The following KATNA1 variants were observed in gnomAD, a reference collection of about 807,000 sequenced individuals.
KATNA1 encodes the protein katanin catalytic subunit A1.
KATNA1 carries 42 observed loss-of-function variants against 62.6 expected under a neutral mutation model. The observed-to-expected ratio is 0.67, with a 90% CI of 0.52 to 0.87. The LOEUF (loss-of-function observed/expected upper bound fraction) is 0.87, where lower values mean the gene tolerates loss of function less well. Among genes scored for constraint, KATNA1 ranks in the 40% least tolerant of loss-of-function variants. The pLI is 0.00. For synonymous variants in KATNA1, 186 were observed against 201.9 expected, an observed-to-expected ratio of 0.92 and a Z score of 0.67; for missense variants, 498 against 612.5, an observed-to-expected ratio of 0.81 and a Z score of 1.97.
At chr6:149,597,391 G>T in intron 9 of KATNA1, 116 bp downstream of exon 9, 1 of 1,317,600 alleles carries the variant, frequency 7.6e-7, no homozygotes. Flanking sequence ...GTACTGTAAA[G>T]GAAGATACTC....
chr6:149,633,174 C>T (rs1464295058), intron 2 of KATNA1, among the ~76,000 whole-genome samples: 1 of 140,890 alleles, frequency 7.1e-6, no homozygotes, highest in East Asian at 2.1e-4. Flanking sequence ...CGTGATCACT[C>T]TCGGCTCATT....
intron 7 of KATNA1, among the ~76,000 whole-genome samples, chr6:149,598,766 G>A (rs1778423428): frequency 6.6e-6 from 1 of 152,054 alleles, no homozygotes; most frequent in Non-Finnish European, 1.5e-5. Context: ...AACAGCTAAG[G>A]AGCCTGCCAC....
rs762568807 is a variant in KATNA1, at chr6:149,638,428, C to A, written c.120G>T (p.Leu40=). The A allele has an allele frequency of 6.2e-7, 1 of 1,613,938 alleles. No individual in the cohort carries two copies. The highest frequency in any genetic ancestry group is 8.5e-7 in the Non-Finnish European group (1 of 1,179,916). Reference sequence around the variant, plus strand: ...GGAGGTATGTATCTTTGACTGAGTACAGATACTTGTTCATTTGGTCAAGAA... The same window carrying A: ...GGAGGTATGTATCTTTGACTGAGTAAAGATACTTGTTCATTTGGTCAAGAA... ...QGVLDQMNKY[L]YSVKDTYLQQ... The change falls in exon 2 of 11, where the codon CTG becomes CTT. Residue 40 remains leucine, a synonymous_variant. Coordinates refer to ENST00000367411, the MANE Select transcript of KATNA1 (RefSeq NM_007044.4).
At chr6:149,609,546 T>C (rs1778866399) in intron 4 of KATNA1, among the ~76,000 whole-genome samples, 2 of 151,974 alleles carry the variant, frequency 1.3e-5, no homozygotes, top group East Asian at 3.9e-4. Flanking sequence ...GGCTCAGGCC[T>C]GTAATCCCAG....
intron 3 of KATNA1, among the ~76,000 whole-genome samples, chr6:149,629,711 T>A (rs545020113): frequency 5.9e-5 from 9 of 152,200 alleles, no homozygotes; most frequent in Non-Finnish European, 1.3e-4. Context: ...ACTTTATTTA[T>A]AATAATGAAA....
chr6:149,595,093 C>T lies in KATNA1; in HGVS notation c.1419G>A (p.Val473=), dbSNP rs1778246910. Reference sequence around the variant, plus strand: ...CGTATCTTTCAATGTCTGCAGCAGACACTGACTTAGAAACCTTTTTTAAAG... The same window carrying T: ...CGTATCTTTCAATGTCTGCAGCAGATACTGACTTAGAAACCTTTTTTAAAG... ...EMALKKVSKS[V]SAADIERYEK... Residue 473 remains valine, a synonymous_variant, in exon 11 of 11, where the codon GTG becomes GTA. Coordinates refer to ENST00000367411, the MANE Select transcript of KATNA1 (RefSeq NM_007044.4). 6.2e-7 allele frequency: 1 copy of T among 1,614,142 alleles called. No individual in the cohort carries two copies. Among genetic ancestry groups the T allele is most frequent in the Non-Finnish European group, 8.5e-7 (1 of 1,179,998 alleles).
chr6:149,596,311 G>A (rs9399692), intron 10 of KATNA1, among the ~76,000 whole-genome samples: 67,581 of 152,002 alleles, frequency 0.44, 16,437 homozygotes, highest in East Asian at 0.81. Flanking sequence ...GAGGCAGGCG[G>A]ATCACTTGAG....
Position 149,640,956 on chromosome 6 carries a change from C to T in KATNA1, c.-13-2396G>A, listed in dbSNP as rs140906877. ...TGCAATCTCGGCTCACCACAACCTC[C>T]GCCTCTCGGGTTCAAGCGATTCTCC... On this transcript the variant is annotated intron_variant, in intron 1 of 10. Transcript: ENST00000367411. Among the ~76,000 whole-genome samples, 653 of 152,102 alleles carry T rather than the reference C, an allele frequency of 4.3e-3. 4 individuals carry two copies. The highest frequency in any genetic ancestry group is 0.015 in the African/African-American group (623 of 41,462).
chr6:149,630,840 G>C (rs1454456549), intron 3 of KATNA1, among the ~76,000 whole-genome samples: 1 of 151,946 alleles, frequency 6.6e-6, no homozygotes, highest in Admixed American at 6.6e-5. Flanking sequence ...TTTTTAATTA[G>C]AGATTGTTAG....
intron 5 of KATNA1, among the ~76,000 whole-genome samples, chr6:149,604,424 C>G (rs1372534649): frequency 6.6e-6 from 1 of 152,164 alleles, no homozygotes; most frequent in African/African-American, 2.4e-5. Context: ...TATGATCGAG[C>G]CACTGTCCTC....
chr6:149,629,401 C>A (rs903855356), intron 3 of KATNA1, among the ~76,000 whole-genome samples: 5 of 152,076 alleles, frequency 3.3e-5, no homozygotes, highest in African/African-American at 1.2e-4. Context: ...GGAAGAGAGC[C>A]CTCACCTGGA....
At chr6:149,600,194 TAAAAAAAAAA>T (rs67468519) in intron 7 of KATNA1, among the ~76,000 whole-genome samples, 1 of 67,994 alleles carries the variant, frequency 1.5e-5, no homozygotes, top group African/African-American at 6.2e-5. Flanking sequence ...GAGCTTATCT[TAAAAAAAAAA>T]AAAAAAAAAA....
At chr6:149,627,329 G>T (rs1302756259) in intron 3 of KATNA1, among the ~76,000 whole-genome samples, 1 of 151,832 alleles carries the variant, frequency 6.6e-6, no homozygotes, top group Non-Finnish European at 1.5e-5. Context: ...AGGAGTTCAA[G>T]ACCAGGCGGA....
chr6:149,617,570 G>C (rs1006880513), intron 4 of KATNA1, among the ~76,000 whole-genome samples: 1 of 152,184 alleles, frequency 6.6e-6, no homozygotes, highest in Non-Finnish European at 1.5e-5. Flanking sequence ...GGGAGGCCGA[G>C]GCGGGCGGAT....
At chr6:149,611,841 T>C (rs575758014) in intron 4 of KATNA1, among the ~76,000 whole-genome samples, 3 of 151,628 alleles carry the variant, frequency 2.0e-5, no homozygotes, top group African/African-American at 4.8e-5. Flanking sequence ...CTGCTAAAAA[T>C]ACAAAAAATT....
chr6:149,599,455 T>C (rs565551443), intron 7 of KATNA1, among the ~76,000 whole-genome samples: 53 of 152,318 alleles, frequency 3.5e-4, no homozygotes, highest in Admixed American at 1.1e-3. Flanking sequence ...TGGGTTTAGC[T>C]GGCCCAGGAA....
At chr6:149,619,949 T>C (rs770570219) in intron 4 of KATNA1, among the ~76,000 whole-genome samples, 24 of 137,598 alleles carry the variant, frequency 1.7e-4, no homozygotes, top group African/African-American at 2.8e-4. Flanking sequence ...ATAAAGAAAC[T>C]GTGGCATGCA....
chr6:149,597,734 C>T, intron 8 of KATNA1, 93 bp from the exon 9 acceptor site: 1 of 1,203,642 alleles, frequency 8.3e-7, no homozygotes, highest in Non-Finnish European at 1.2e-6. Flanking sequence ...CTATTTAGTA[C>T]AACAATACAA....
chr6:149,617,891 G>A (rs1036114326), intron 4 of KATNA1, among the ~76,000 whole-genome samples: 12 of 150,670 alleles, frequency 8.0e-5, no homozygotes, highest in Admixed American at 1.3e-4. Flanking sequence ...AGCCAAGATC[G>A]TGCCACTGCA....
Sources: allele counts gnomAD v4.1 joint callset (sites outside exome capture counted in the v4.1 genomes callset), GRCh38; gene constraint gnomAD v4.1.1; transcripts MANE v1.5; gene names NCBI Gene and HGNC (gene_info 2026-07-23, HGNC 2026-07-21).